GALNT18: variants seen among roughly 807,000 people sequenced by gnomAD.
GALNT18 encodes GalNAc-transferase 18.
Under a neutral mutation model 69.5 loss-of-function variants are expected in GALNT18, and 44 were observed. That is an observed-to-expected ratio of 0.63 (90% CI 0.50 to 0.81). The LOEUF (loss-of-function observed/expected upper bound fraction) is 0.81, where lower values mean the gene tolerates loss of function less well. Among genes scored for constraint, GALNT18 ranks in the 40% least tolerant of loss-of-function variants. The pLI, the probability that GALNT18 is intolerant of heterozygous loss-of-function variation, is 0.00. For synonymous variants in GALNT18, 364 were observed against 318.2 expected, an observed-to-expected ratio of 1.14 and a Z score of -1.53; for missense variants, 715 against 810.0, an observed-to-expected ratio of 0.88 and a Z score of 1.42.
At position 11,410,081 on chromosome 11, in the gene GALNT18, C is replaced by T. The variant is rs116597695; in HGVS notation, c.595+22540G>A. On this transcript the variant is annotated intron_variant, in intron 3 of 10. Coordinates refer to ENST00000227756, the MANE Select transcript of GALNT18 (RefSeq NM_198516.3). ...TCTCTCTGGACGGGGCTCCCTGGCC[C>T]TCCCACAGGGGAGGATCAGAGACAG... 7.0e-3 allele frequency among the ~76,000 whole-genome samples: 1,061 copies of T among 152,294 alleles called. 14 individuals are homozygous for T. Among genetic ancestry groups the T allele is most frequent in the African/African-American group, 0.021 (886 of 41,560 alleles).
At chr11:11,433,420 CAA>C (rs1407847517) in intron 2 of GALNT18, among the ~76,000 whole-genome samples, 1 of 152,220 alleles carries the variant, frequency 6.6e-6, no homozygotes, top group Non-Finnish European at 1.5e-5. Flanking sequence ...GCATGAGGCT[CAA>C]AGAGGTTGAG....
Position 11,314,136 on chromosome 11 carries a change from A to G in GALNT18, c.1512+12950T>C, listed in dbSNP as rs1849713394. Among the ~76,000 whole-genome samples the G allele has an allele frequency of 1.3e-5, 2 of 152,184 alleles. No individual in the cohort carries two copies. Among genetic ancestry groups the G allele is most frequent in the Non-Finnish European group, 2.9e-5 (2 of 68,036 alleles). ...CACTGGGTTTGGTGACCTGTCCCCA[A>G]GGCCAGAGAGGCCTGGGAAGCAAGA... On this transcript the variant is annotated intron_variant, in intron 9 of 10. Transcript: ENST00000227756. This position sits in a 1 kb window ranked among gnomAD's most constrained non-coding sequence, Gnocchi z 5.2.
chr11:11,273,914 C>T (rs1848879790), intron 10 of GALNT18, among the ~76,000 whole-genome samples: 1 of 152,092 alleles, frequency 6.6e-6, no homozygotes, highest in African/African-American at 2.4e-5. Flanking sequence ...ATAGGAATAG[C>T]TCCGGTCTGC....
At chr11:11,286,975 TG>T in intron 10 of GALNT18, among the ~76,000 whole-genome samples, 1 of 152,190 alleles carries the variant, frequency 6.6e-6, no homozygotes, top group Non-Finnish European at 1.5e-5. Context: ...CCAACTCCAC[TG>T]ACAGCTGTGG....
chr11:11,345,242 A>G (rs915279942), intron 6 of GALNT18, among the ~76,000 whole-genome samples: 3 of 152,250 alleles, frequency 2.0e-5, no homozygotes, highest in African/African-American at 7.2e-5. Flanking sequence ...TCTTGGCAGC[A>G]TCTGGGCTTT....
At chr11:11,386,925 A>C (rs1432592184) in intron 3 of GALNT18, among the ~76,000 whole-genome samples, 1 of 152,242 alleles carries the variant, frequency 6.6e-6, no homozygotes, top group African/African-American at 2.4e-5. Flanking sequence ...CCATCCCAGC[A>C]AAGAGTCTGA....
At position 11,465,550 on chromosome 11, in the gene GALNT18, C is replaced by A. The variant is rs1856138015; in HGVS notation, c.236-16614G>T. Among the ~76,000 whole-genome samples the A allele has an allele frequency of 6.6e-6, 1 of 152,142 alleles. No homozygotes were observed. The highest frequency in any genetic ancestry group is 6.5e-5 in the Admixed American group (1 of 15,278). ...CTGGCCATGAGGTCAGGAAGCACAG[C>A]TTAGGAAGGGTCTTGAGAATGGCCT... On this transcript the variant is annotated intron_variant, in intron 1 of 10. Transcript: ENST00000227756. This position sits in a 1 kb window ranked among gnomAD's most constrained non-coding sequence, Gnocchi z 5.7.
intron 1 of GALNT18, among the ~76,000 whole-genome samples, chr11:11,567,341 T>C (rs555904927): frequency 2.0e-4 from 30 of 152,134 alleles, no homozygotes; most frequent in Non-Finnish European, 4.0e-4. Flanking sequence ...CCATCAAAAA[T>C]ACTAACACCT....
At chr11:11,365,319 C>T (rs1184591884) in intron 6 of GALNT18, among the ~76,000 whole-genome samples, 4 of 152,172 alleles carry the variant, frequency 2.6e-5, no homozygotes, top group African/African-American at 7.2e-5. Flanking sequence ...CCACAAAGGA[C>T]GGGTTCTCAT....
At position 11,519,730 on chromosome 11, in the gene GALNT18, G is replaced by A. The variant is rs148616429; in HGVS notation, c.236-70794C>T. Reference sequence around the variant, plus strand: ...CATTCCCCTGTCTCAGCCCCATCTCGCCCTGACTGCAGGAGCAACCAGGGG... The same window carrying A: ...CATTCCCCTGTCTCAGCCCCATCTCACCCTGACTGCAGGAGCAACCAGGGG... On this transcript the variant is annotated intron_variant, in intron 1 of 10. Coordinates refer to ENST00000227756, the MANE Select transcript of GALNT18 (RefSeq NM_198516.3). Among the ~76,000 whole-genome samples, 17 of 152,188 alleles carry A rather than the reference G, an allele frequency of 1.1e-4. No individual in the cohort carries two copies. The East Asian group carries it at 2.9e-3, about 26-fold the overall frequency.
chr11:11,376,608 G>A (rs1252376108), intron 5 of GALNT18, among the ~76,000 whole-genome samples: 1 of 152,134 alleles, frequency 6.6e-6, no homozygotes, highest in Non-Finnish European at 1.5e-5. Context: ...ACTGTCCTGT[G>A]GGGTCCGATC....
chr11:11,519,666 C>T (rs933246012), intron 1 of GALNT18, among the ~76,000 whole-genome samples: 2 of 152,206 alleles, frequency 1.3e-5, no homozygotes, highest in Non-Finnish European at 2.9e-5. Context: ...GGAGAGCTCT[C>T]GTGGTCCCAC....
At chr11:11,533,471 G>T (rs903575484) in intron 1 of GALNT18, among the ~76,000 whole-genome samples, 1 of 152,008 alleles carries the variant, frequency 6.6e-6, no homozygotes, top group Admixed American at 6.6e-5. Context: ...ATCCACATAC[G>T]TCTCCCTAAG....
chr11:11,414,199 G>A (rs1427785875), intron 3 of GALNT18, among the ~76,000 whole-genome samples: 1 of 152,034 alleles, frequency 6.6e-6, no homozygotes, highest in African/African-American at 2.4e-5. Context: ...ATTTTCCTGT[G>A]GCTACTCTTA....
intron 3 of GALNT18, among the ~76,000 whole-genome samples, chr11:11,394,243 G>A (rs1033041229): frequency 6.6e-6 from 1 of 152,114 alleles, no homozygotes; most frequent in African/African-American, 2.4e-5. Flanking sequence ...GAGGATAAAG[G>A]GGGCATTAAA....
intron 1 of GALNT18, among the ~76,000 whole-genome samples, chr11:11,554,731 G>T (rs1338519251): frequency 6.6e-6 from 1 of 152,140 alleles, no homozygotes; most frequent in East Asian, 1.9e-4. Flanking sequence ...CGGCTATGTT[G>T]GAAGAAGTGT....
intron 1 of GALNT18, among the ~76,000 whole-genome samples, chr11:11,559,323 G>A (rs184442782): frequency 1.4e-4 from 22 of 152,286 alleles, no homozygotes; most frequent in Admixed American, 1.2e-3. Flanking sequence ...AGTGAGCTTG[G>A]GGGAAAGGGG....
intron 1 of GALNT18, among the ~76,000 whole-genome samples, chr11:11,550,756 G>C (rs758415748): frequency 5.3e-5 from 8 of 152,160 alleles, no homozygotes; most frequent in Non-Finnish European, 8.8e-5. Flanking sequence ...GCCATATGTG[G>C]CTCTTGAAAT....
chr11:11,373,746 C>T (rs1054114884), intron 5 of GALNT18, among the ~76,000 whole-genome samples: 2 of 152,244 alleles, frequency 1.3e-5, no homozygotes, highest in Non-Finnish European at 2.9e-5. Flanking sequence ...GAATGATTCA[C>T]ATGAGGTGAG....
Sources: allele counts gnomAD v4.1 joint callset (sites outside exome capture counted in the v4.1 genomes callset), GRCh38; gene constraint gnomAD v4.1.1; non-coding constraint Gnocchi (gnomAD v3.1); transcripts MANE v1.5; gene names NCBI Gene and HGNC (gene_info 2026-07-23, HGNC 2026-07-21).